Variants in SGCD observed in about 807,000 individuals in gnomAD.
SGCD encodes sarcoglycan delta, also known as delta-sarcoglycan.
SGCD carries 18 observed loss-of-function variants against 36.6 expected under a neutral mutation model. The observed-to-expected ratio is 0.49, with a 90% CI of 0.34 to 0.73. The LOEUF is 0.73. Among genes scored for constraint, SGCD ranks in the 30% least tolerant of loss-of-function variants. The pLI, the probability that SGCD is intolerant of heterozygous loss-of-function variation, is 0.01. For synonymous variants in SGCD, 133 were observed against 130.6 expected, an observed-to-expected ratio of 1.02 and a Z score of -0.12; for missense variants, 387 against 346.7, an observed-to-expected ratio of 1.12 and a Z score of -0.92.
chr5:156,532,840 T>A (rs1757942689), intron 4 of SGCD, among the ~76,000 whole-genome samples: 1 of 152,240 alleles, frequency 6.6e-6, no homozygotes, highest in Non-Finnish European at 1.5e-5. Flanking sequence ...GTCAAAGGAT[T>A]ATAGGCGTGA....
chr5:155,956,808 C>T (rs902463278), intron 1 of SGCD, among the ~76,000 whole-genome samples: 37 of 143,534 alleles, frequency 2.6e-4, no homozygotes, highest in South Asian at 1.3e-3. Context: ...CCCCCCCCCC[C>T]GGTTAATCCA....
intron 7 of SGCD, among the ~76,000 whole-genome samples, chr5:156,712,158 C>T (rs984639794): frequency 1.3e-5 from 2 of 152,186 alleles, no homozygotes; most frequent in African/African-American, 4.8e-5. Flanking sequence ...GCTGACCTCC[C>T]ATCTCATCCT....
chr5:156,729,413 A>C (rs1755946249), intron 7 of SGCD, among the ~76,000 whole-genome samples: 1 of 152,222 alleles, frequency 6.6e-6, no homozygotes, highest in African/African-American at 2.4e-5. Flanking sequence ...GGCTTAACGC[A>C]AAGGCCTCAG....
At chr5:155,930,986 T>C (rs1343448055) in intron 1 of SGCD, among the ~76,000 whole-genome samples, 2 of 152,158 alleles carry the variant, frequency 1.3e-5, no homozygotes, top group Non-Finnish European at 2.9e-5. Flanking sequence ...TTTTTCCTTC[T>C]GTCTTCTCAT....
chr5:155,805,679 G>C, the SGCD span, among the ~76,000 whole-genome samples: 1 of 152,220 alleles, frequency 6.6e-6, no homozygotes, highest in East Asian at 1.9e-4. Context: ...CTCTGTTGTA[G>C]AGGAAGTGTT....
At chr5:155,928,633 A>G (rs929216118) in intron 1 of SGCD, among the ~76,000 whole-genome samples, 3 of 140,504 alleles carry the variant, frequency 2.1e-5, no homozygotes, top group Non-Finnish European at 4.5e-5. Context: ...GCACCACTGC[A>G]CTCCAGCCTG....
At chr5:156,643,584 T>C (rs1230219082) in intron 6 of SGCD, among the ~76,000 whole-genome samples, 1 of 152,010 alleles carries the variant, frequency 6.6e-6, no homozygotes, top group Non-Finnish European at 1.5e-5. Context: ...TCCACCCAAA[T>C]GGAGAAATAA....
At chr5:155,990,019 C>T (rs1322842220) in intron 1 of SGCD, among the ~76,000 whole-genome samples, 3 of 152,136 alleles carry the variant, frequency 2.0e-5, no homozygotes, top group Non-Finnish European at 4.4e-5. Context: ...TTACTCAGGC[C>T]CCTCTACCAC....
At chr5:156,219,666 A>C (rs1257549189) in intron 3 of SGCD, among the ~76,000 whole-genome samples, 2 of 152,222 alleles carry the variant, frequency 1.3e-5, no homozygotes, top group Non-Finnish European at 2.9e-5. Flanking sequence ...AATAGAAGCC[A>C]AAGCCTTAGC....
chr5:156,010,482 C>T (rs1758836635), intron 1 of SGCD, among the ~76,000 whole-genome samples: 1 of 152,312 alleles, frequency 6.6e-6, no homozygotes, highest in Non-Finnish European at 1.5e-5. Context: ...TTACTCAATG[C>T]ACAATCAAAT....
chr5:155,732,931 C>G, the SGCD span, among the ~76,000 whole-genome samples: 1 of 151,438 alleles, frequency 6.6e-6, no homozygotes, highest in African/African-American at 2.4e-5. Flanking sequence ...CACTGATATG[C>G]AAGGAAACAA....
chr5:156,314,470 A>G (rs998583175), intron 3 of SGCD, among the ~76,000 whole-genome samples: 1 of 152,030 alleles, frequency 6.6e-6, no homozygotes, highest in Non-Finnish European at 1.5e-5. Context: ...ATAATTACCA[A>G]TACCATCATT....
At chr5:156,341,199 C>G (rs774681097) in intron 2 of SGCD, among the ~76,000 whole-genome samples, 28 of 152,176 alleles carry the variant, frequency 1.8e-4, no homozygotes, top group Non-Finnish European at 3.4e-4. Flanking sequence ...GTCTTGACTT[C>G]CACAGCTGGT....
chr5:156,728,281 C>A (rs1202860791), intron 7 of SGCD, among the ~76,000 whole-genome samples: 1 of 151,932 alleles, frequency 6.6e-6, no homozygotes, highest in African/African-American at 2.4e-5. Flanking sequence ...CTCTCTCCTC[C>A]CATGTTCAGA....
At chr5:155,746,856 G>A in the SGCD span, among the ~76,000 whole-genome samples, 20 of 152,138 alleles carry the variant, frequency 1.3e-4, no homozygotes, top group East Asian at 3.9e-4. Flanking sequence ...CCTTCTTCCC[G>A]TTTTATCAGG....
chr5:155,971,842 G>T (rs1758012322), intron 1 of SGCD, among the ~76,000 whole-genome samples: 1 of 152,102 alleles, frequency 6.6e-6, no homozygotes, highest in African/African-American at 2.4e-5. Flanking sequence ...CACTTTACTT[G>T]TGGATAAATT....
rs140673195 is a variant in SGCD at position 156,358,705 on chromosome 5, C to T, written c.192+14028C>T. Among the ~76,000 whole-genome samples the T allele has an allele frequency of 1.7e-4, 26 of 152,182 alleles. 1 individual carries two copies. The East Asian group carries it at 5.0e-3, about 29-fold the overall frequency. Reference sequence around the variant, plus strand: ...GGATAAGTGGATGGTGTAAAGAAGGCAGGAAGGGGTGATTTGGCATAATTG... The same window carrying T: ...GGATAAGTGGATGGTGTAAAGAAGGTAGGAAGGGGTGATTTGGCATAATTG... On this transcript the variant is annotated intron_variant, in intron 3 of 8. Coordinates refer to ENST00000337851, the MANE Select transcript of SGCD (RefSeq NM_000337.6).
chr5:155,802,160 G>T, the SGCD span, among the ~76,000 whole-genome samples: 1 of 152,320 alleles, frequency 6.6e-6, no homozygotes, highest in East Asian at 1.9e-4. Flanking sequence ...GACTTGAACT[G>T]AAGGCAGGCT....
At chr5:156,525,110 A>C (rs1757589579) in intron 4 of SGCD, among the ~76,000 whole-genome samples, 1 of 152,046 alleles carries the variant, frequency 6.6e-6, no homozygotes, top group East Asian at 1.9e-4. Context: ...GCTGTATCCT[A>C]TGGTAGTTCT....
Sources: allele counts gnomAD v4.1 joint callset (sites outside exome capture counted in the v4.1 genomes callset), GRCh38; gene constraint gnomAD v4.1.1; transcripts MANE v1.5; gene names NCBI Gene and HGNC (gene_info 2026-07-23, HGNC 2026-07-21).